The following SSPN variants were observed in gnomAD, a reference collection of about 807,000 sequenced individuals.
The protein encoded by SSPN is sarcospan.
Under a neutral mutation model 19.1 loss-of-function variants are expected in SSPN, and 15 were observed. The ratio of observed to expected loss-of-function variants is 0.78; its 90% CI spans 0.52 to 1.21. The LOEUF is 1.21. SSPN is among the 50% of genes most tolerant of loss of function. The pLI is 0.00. For missense variants in SSPN, 291 were observed against 314.0 expected (o/e 0.93, Z 0.55); for synonymous variants, 147 against 140.3 (o/e 1.05, Z -0.34).
chr12:26,232,329 G>C lies in SSPN; in HGVS notation c.*1253G>C. The C allele has an allele frequency of 3.0e-6, 3 of 985,344 alleles. No individual in the cohort carries two copies. The highest frequency in any genetic ancestry group is 5.2e-4 in the Middle Eastern group (1 of 1,914). The allele number at this position is 985,344 out of a possible 1,614,324, so 61.0% of individuals were successfully genotyped here. A position where few individuals can be genotyped will look rare whatever the true frequency, so the allele number is the denominator to read the frequency against. On this transcript the variant is annotated 3_prime_UTR_variant, in exon 3 of 3. Coordinates refer to ENST00000242729, the MANE Select transcript of SSPN (RefSeq NM_005086.5). ...GTTGTTTTGTTTTTAAGTGACTGTGGTTTAAAGCACAAATGCCCCAAGGTG... is the reference window on the plus strand; with the variant it reads ...GTTGTTTTGTTTTTAAGTGACTGTGCTTTAAAGCACAAATGCCCCAAGGTG...
At chr12:26,199,057 A>G (rs374189140) in intron 1 of SSPN, among the ~76,000 whole-genome samples, 5 of 152,266 alleles carry the variant, frequency 3.3e-5, no homozygotes, top group South Asian at 2.1e-4. Flanking sequence ...GCCTCTTCTC[A>G]TGTGGTCATC....
At chr12:26,145,817 A>G (rs1274445203) in intron 1 of SSPN, among the ~76,000 whole-genome samples, 1 of 152,168 alleles carries the variant, frequency 6.6e-6, no homozygotes, top group Non-Finnish European at 1.5e-5. Flanking sequence ...CTTAGGAGCT[A>G]GGATGGAGAA....
chr12:26,178,872 G>A (rs527741097), intron 1 of SSPN, among the ~76,000 whole-genome samples: 9 of 152,176 alleles, frequency 5.9e-5, no homozygotes, highest in Non-Finnish European at 1.3e-4. Flanking sequence ...TAGATATCTA[G>A]ACTAGATTAA....
rs530905956 is a variant in SSPN, at chr12:26,206,142, C to G, written c.279+10191C>G. On this transcript the variant is annotated intron_variant, in intron 1 of 2. Transcript: ENST00000242729. ...CTCCCCTTCTCTCTGTCCTCACACA[C>G]ACATCACAAAAAGCTCAGTGTCTGG... 3.3e-5 allele frequency among the ~76,000 whole-genome samples: 5 copies of G among 152,316 alleles called. No homozygotes were observed. In the East Asian group the frequency reaches 9.6e-4, roughly 29 times the overall value.
At chr12:26,196,028 C>A in intron 1 of SSPN, 77 bp downstream of exon 1, 1 of 1,210,422 alleles carries the variant, frequency 8.3e-7, no homozygotes, top group Non-Finnish European at 1.1e-6. Flanking sequence ...TTGAGACTAA[C>A]CCAGCTGCAT....
chr12:26,218,606 G>T (rs1473334406), intron 1 of SSPN, among the ~76,000 whole-genome samples: 1 of 151,942 alleles, frequency 6.6e-6, no homozygotes, highest in African/African-American at 2.4e-5. Context: ...CCACTCTTAG[G>T]CTTTGTCTTA....
At chr12:26,220,003 A>G (rs1243363383) in intron 1 of SSPN, among the ~76,000 whole-genome samples, 7 of 152,116 alleles carry the variant, frequency 4.6e-5, no homozygotes, top group Non-Finnish European at 1.0e-4. Context: ...CTCACTGCCC[A>G]TTAACATGAG....
chr12:26,154,999 T>C (rs1410520948), intron 1 of SSPN, among the ~76,000 whole-genome samples: 2 of 152,138 alleles, frequency 1.3e-5, no homozygotes, highest in Admixed American at 6.5e-5. Flanking sequence ...ATTTTTATAA[T>C]GGGAAACTGT....
intron 1 of SSPN, among the ~76,000 whole-genome samples, chr12:26,138,049 T>C (rs1434594309): frequency 6.6e-6 from 1 of 152,116 alleles, no homozygotes; most frequent in African/African-American, 2.4e-5. Context: ...GATACTAAAA[T>C]CTGTGGATGT....
intron 1 of SSPN, among the ~76,000 whole-genome samples, chr12:26,216,063 G>T (rs375079793): frequency 4.6e-5 from 7 of 152,148 alleles, no homozygotes; most frequent in Non-Finnish European, 1.0e-4. Context: ...TGTTCAGCAC[G>T]GGGCTTAACA....
At chr12:26,194,186 T>C (rs1460590274), upstream of SSPN, among the ~76,000 whole-genome samples, 2 of 152,236 alleles carry the variant, frequency 1.3e-5, no homozygotes, top group South Asian at 2.1e-4. Context: ...TTGCTCTAAG[T>C]GCTACTGAGT....
chr12:26,218,773 G>A (rs1001483126), intron 1 of SSPN, among the ~76,000 whole-genome samples: 1 of 152,168 alleles, frequency 6.6e-6, no homozygotes, highest in African/African-American at 2.4e-5. Flanking sequence ...TCTATTATGT[G>A]TTAACAGTCC....
At chr12:26,222,981 T>C (rs1450054334) in intron 1 of SSPN, among the ~76,000 whole-genome samples, 6 of 152,152 alleles carry the variant, frequency 3.9e-5, no homozygotes, top group Non-Finnish European at 8.8e-5. Context: ...TTCTCTGAAT[T>C]TGCATGCTAC....
chr12:26,202,009 G>A (rs1391486822), intron 1 of SSPN, among the ~76,000 whole-genome samples: 1 of 152,074 alleles, frequency 6.6e-6, no homozygotes, highest in Admixed American at 6.6e-5. Context: ...AAAATTCACA[G>A]ATACTCAAGT....
intron 1 of SSPN, among the ~76,000 whole-genome samples, chr12:26,154,630 C>A (rs1339605206): frequency 6.6e-6 from 1 of 152,106 alleles, no homozygotes; most frequent in Non-Finnish European, 1.5e-5. Context: ...CTTAACCTTT[C>A]TAATTTATAA....
chr12:26,126,016 C>T (rs1403110236), intron 1 of SSPN: 1 of 152,166 alleles, frequency 6.6e-6, no homozygotes, highest in Non-Finnish European at 1.5e-5. Flanking sequence ...AAGCCTCCCT[C>T]CTTAATCCGG....
chr12:26,128,252 G>A (rs182644257), intron 1 of SSPN, among the ~76,000 whole-genome samples: 2 of 152,322 alleles, frequency 1.3e-5, no homozygotes, highest in African/African-American at 4.8e-5. Flanking sequence ...ATGAAATTGT[G>A]TGGGGAGTTT....
In SSPN at chr12:26,231,929, C is replaced by G; in HGVS notation, c.*853C>G. On this transcript the variant is annotated 3_prime_UTR_variant, in exon 3 of 3. Coordinates refer to ENST00000242729, the MANE Select transcript of SSPN (RefSeq NM_005086.5). ...GAGCTCTGACTGTACTTACGCTGCACTGTCGGTGTTAAGAGAAATTACTCT... is the reference window on the plus strand; with the variant it reads ...GAGCTCTGACTGTACTTACGCTGCAGTGTCGGTGTTAAGAGAAATTACTCT... 2.0e-6 allele frequency: 2 copies of G among 985,284 alleles called. No individual in the cohort carries two copies. The highest frequency in any genetic ancestry group is 2.4e-6 in the Non-Finnish European group (2 of 829,824). 61.0% of individuals were successfully genotyped at this position (985,284 alleles called of 1,614,324 possible).
At chr12:26,208,512 A>G (rs1944952231) in intron 1 of SSPN, among the ~76,000 whole-genome samples, 3 of 152,116 alleles carry the variant, frequency 2.0e-5, no homozygotes, top group African/African-American at 2.4e-5. Flanking sequence ...TACTACAAAT[A>G]TCTTTTTCTG....
Sources: gnomAD v4.1 joint callset for allele counts (sites outside exome capture counted in the v4.1 genomes callset) on GRCh38, gnomAD v4.1.1 for gene constraint, MANE v1.5 for transcripts, NCBI Gene and HGNC (gene_info 2026-07-23, HGNC 2026-07-21) for gene names.